Variants in PIP5K1B observed in about 807,000 individuals in gnomAD.
PIP5K1B encodes the protein phosphatidylinositol 4-phosphate 5-kinase type-1 beta.
Under a neutral mutation model 67.0 loss-of-function variants are expected in PIP5K1B, and 42 were observed. The observed-to-expected ratio is 0.63, with a 90% CI of 0.49 to 0.81. The LOEUF (loss-of-function observed/expected upper bound fraction) is 0.81. Ranked by LOEUF, PIP5K1B falls within the 30% of genes least tolerant of loss-of-function variation. The pLI is 0.00. For missense variants in PIP5K1B, 459 were observed against 646.3 expected, an observed-to-expected ratio of 0.71 and a Z score of 3.14; for synonymous variants, 214 against 231.4, an observed-to-expected ratio of 0.92 and a Z score of 0.68.
intron 1 of PIP5K1B, among the ~76,000 whole-genome samples, chr9:68,734,845 A>G (rs1240115125): frequency 1.3e-5 from 2 of 152,260 alleles, no homozygotes; most frequent in African/African-American, 4.8e-5. Context: ...ACCTTCTACT[A>G]GCCAAACAGA....
At chr9:68,838,770 A>G (rs1206817857) in intron 4 of PIP5K1B, among the ~76,000 whole-genome samples, 1 of 152,162 alleles carries the variant, frequency 6.6e-6, no homozygotes, top group Non-Finnish European at 1.5e-5. Context: ...AAATTTTTTA[A>G]TTAATTAACT....
intron 4 of PIP5K1B, among the ~76,000 whole-genome samples, chr9:68,842,941 A>G (rs1282182175): frequency 6.6e-6 from 1 of 152,244 alleles, no homozygotes; most frequent in Non-Finnish European, 1.5e-5. Context: ...TGTGAACTGA[A>G]GTGAGCCAAG....
intron 5 of PIP5K1B, 63 bp from the exon 6 acceptor site, chr9:68,876,614 G>C (rs1050655735): frequency 2.3e-6 from 2 of 884,034 alleles, no homozygotes; most frequent in African/African-American, 1.7e-5. Flanking sequence ...TACAATTTGC[G>C]GTCAAAATTG....
chr9:68,994,080 G>A (rs1004924105), intron 15 of PIP5K1B, among the ~76,000 whole-genome samples: 12 of 115,936 alleles, frequency 1.0e-4, no homozygotes, highest in African/African-American at 2.9e-4. Flanking sequence ...CACTCTTGTC[G>A]CCCAGGCTGG....
chr9:68,969,483 C>T (rs1358658714), intron 14 of PIP5K1B, among the ~76,000 whole-genome samples: 2 of 151,506 alleles, frequency 1.3e-5, no homozygotes, highest in African/African-American at 4.9e-5. Flanking sequence ...ATCATTTGAT[C>T]GCAGGCACAG....
At chr9:69,003,993 C>A (rs1367136925) in intron 15 of PIP5K1B, among the ~76,000 whole-genome samples, 1 of 152,134 alleles carries the variant, frequency 6.6e-6, no homozygotes, top group African/African-American at 2.4e-5. Context: ...TTTTAAATAA[C>A]TTTTTAAAAT....
intron 2 of PIP5K1B, among the ~76,000 whole-genome samples, chr9:68,747,966 A>G (rs901280120): frequency 1.3e-5 from 2 of 152,190 alleles, no homozygotes; most frequent in Non-Finnish European, 2.9e-5. Context: ...ATGGAGGTGA[A>G]CACTACCTCT....
chr9:68,899,489 G>A (rs1321713550), intron 8 of PIP5K1B, among the ~76,000 whole-genome samples: 1 of 152,184 alleles, frequency 6.6e-6, no homozygotes, highest in Non-Finnish European at 1.5e-5. Flanking sequence ...AAAGGTTTAG[G>A]TAAGAAACCT....
chr9:68,873,613 A>ATT (rs58977770), intron 5 of PIP5K1B, among the ~76,000 whole-genome samples: 37 of 150,090 alleles, frequency 2.5e-4, no homozygotes, highest in South Asian at 8.4e-4. Flanking sequence ...TATTTTTCTT[A>ATT]TTTTTTTTTA....
intron 14 of PIP5K1B, among the ~76,000 whole-genome samples, chr9:68,978,381 C>T (rs929085717): frequency 1.3e-5 from 2 of 152,184 alleles, no homozygotes; most frequent in Non-Finnish European, 2.9e-5. Context: ...TGGCTTTTTG[C>T]GTCTGGCGTA....
chr9:69,003,483 G>T (rs1375127397), intron 15 of PIP5K1B, among the ~76,000 whole-genome samples: 4 of 151,438 alleles, frequency 2.6e-5, no homozygotes, highest in African/African-American at 4.9e-5. Flanking sequence ...AAAAAAGGGG[G>T]GGGGATATCA....
chr9:68,819,133 C>G (rs568965809), intron 3 of PIP5K1B, among the ~76,000 whole-genome samples: 1 of 152,312 alleles, frequency 6.6e-6, no homozygotes, highest in East Asian at 1.9e-4. Context: ...CAACCACTAC[C>G]TCTATGCAGT....
Position 68,848,247 on chromosome 9 carries a change from G to A in PIP5K1B, c.70-15590G>A, listed in dbSNP as rs1000922314. Among the ~76,000 whole-genome samples the A allele has an allele frequency of 2.0e-5, 3 of 152,294 alleles. No individual in the cohort carries two copies. The East Asian group carries it at 5.8e-4, about 29-fold the overall frequency. ...CAAAAGAAGAGTGAGTGGAGTTATG[G>A]CAAGAAAGGTACTACCGTAATGTGA... On this transcript the variant is annotated intron_variant, in intron 4 of 15. Coordinates refer to ENST00000265382, the MANE Select transcript of PIP5K1B (RefSeq NM_003558.4).
In PIP5K1B at chr9:68,997,332, T is replaced by C. The variant is rs867015217; in HGVS notation, c.1620+6075T>C. ...TCAGCGTTGAGGTTAATGACTTATA[T>C]TGGGTCTCTTTAATCATTCCTTGTT... On this transcript the variant is annotated intron_variant, in intron 15 of 15. Coordinates refer to ENST00000265382, the MANE Select transcript of PIP5K1B (RefSeq NM_003558.4). Among the ~76,000 whole-genome samples, 11 of 152,334 alleles carry C rather than the reference T, an allele frequency of 7.2e-5. No individual in the cohort carries two copies. In the Middle Eastern group the frequency reaches 0.017, roughly 236 times the overall value.
chr9:68,948,465 TACAACAACAACA>T (rs1447421201), intron 14 of PIP5K1B, among the ~76,000 whole-genome samples: 4 of 151,974 alleles, frequency 2.6e-5, no homozygotes, highest in Non-Finnish European at 1.5e-5. Flanking sequence ...ACCTCATTTC[TACAACAACAACA>T]GCAACAACAA....
At chr9:68,988,200 G>A (rs1414871613) in intron 14 of PIP5K1B, among the ~76,000 whole-genome samples, 5 of 151,816 alleles carry the variant, frequency 3.3e-5, no homozygotes, top group Non-Finnish European at 7.4e-5. Flanking sequence ...GATAGGAAGG[G>A]TATCCTGGAC....
At chr9:68,746,168 T>A (rs1425689133) in intron 2 of PIP5K1B, among the ~76,000 whole-genome samples, 3 of 135,030 alleles carry the variant, frequency 2.2e-5, no homozygotes, top group Non-Finnish European at 4.6e-5. Context: ...AACCTCCACC[T>A]CCCGGGTTCA....
At chr9:68,803,267 A>C (rs555497622) in intron 2 of PIP5K1B, among the ~76,000 whole-genome samples, 13 of 152,158 alleles carry the variant, frequency 8.5e-5, no homozygotes, top group Non-Finnish European at 1.5e-4. Flanking sequence ...GAAACCCTAA[A>C]AGCAGCTGGG....
At chr9:68,830,130 CA>C (rs548319037) in intron 4 of PIP5K1B, among the ~76,000 whole-genome samples, 35 of 143,756 alleles carry the variant, frequency 2.4e-4, no homozygotes, top group East Asian at 4.0e-4. Context: ...GACCCCATCT[CA>C]AAAAAAAAAA....
Sources: gnomAD v4.1 joint callset for allele counts (sites outside exome capture counted in the v4.1 genomes callset) on GRCh38, gnomAD v4.1.1 for gene constraint, MANE v1.5 for transcripts, NCBI Gene and HGNC (gene_info 2026-07-23, HGNC 2026-07-21) for gene names.